FAM185A: variants seen among roughly 807,000 people sequenced by gnomAD.
FAM185A encodes the protein family with sequence similarity 185 member A.
A neutral mutation model predicts 45.7 loss-of-function variants in FAM185A; 21 were observed. The observed-to-expected ratio is 0.46, with a 90% confidence interval of 0.33 to 0.66. FAM185A has a LOEUF of 0.66. Ranked by LOEUF, FAM185A falls within the 30% of genes least tolerant of loss-of-function variation. The pLI is 0.03. For synonymous variants in FAM185A, 117 were observed against 194.0 expected, an observed-to-expected ratio of 0.60 and a Z score of 3.30; for missense variants, 305 against 485.4, an observed-to-expected ratio of 0.63 and a Z score of 3.49.
intron 1 of FAM185A, among the ~76,000 whole-genome samples, chr7:102,751,185 G>C (rs1359338128): frequency 6.6e-6 from 1 of 152,060 alleles, no homozygotes; most frequent in Non-Finnish European, 1.5e-5. Context: ...CAAAGTGCTG[G>C]TATTACAGGC....
At chr7:102,815,130 CTCTA>C in the FAM185A span, among the ~76,000 whole-genome samples, 1,631 of 152,270 alleles carry the variant, frequency 0.011, 34 homozygotes, top group African/African-American at 0.038. Context: ...CTTCACCCAT[CTCTA>C]TCAGTCTAAA....
At chr7:102,826,749 A>G in the FAM185A span, among the ~76,000 whole-genome samples, 4 of 103,104 alleles carry the variant, frequency 3.9e-5, no homozygotes, top group African/African-American at 1.4e-4. Context: ...ATATATATAT[A>G]TATATATATA....
At chr7:102,842,939 T>G in the FAM185A span, among the ~76,000 whole-genome samples, 1 of 152,236 alleles carries the variant, frequency 6.6e-6, no homozygotes, top group Non-Finnish European at 1.5e-5. Flanking sequence ...TGCTCTGTTG[T>G]TCTCCCAACT....
chr7:102,832,719 C>T, the FAM185A span: 2 of 1,217,806 alleles, frequency 1.6e-6, no homozygotes, highest in Non-Finnish European at 2.2e-6. Context: ...GAAAAAAATC[C>T]AATGAATACC....
the FAM185A span, among the ~76,000 whole-genome samples, chr7:102,820,539 A>C: frequency 6.6e-6 from 1 of 152,180 alleles, no homozygotes; most frequent in South Asian, 2.1e-4. Context: ...TTCGGATGTT[A>C]CTGGATATCC....
the FAM185A span, among the ~76,000 whole-genome samples, chr7:102,844,573 A>T: frequency 6.6e-6 from 1 of 152,152 alleles, no homozygotes; most frequent in South Asian, 2.1e-4. Context: ...ATGCCATATT[A>T]AAAAAACTGT....
chr7:102,769,777 T>C (rs1455665806), intron 4 of FAM185A, among the ~76,000 whole-genome samples: 3 of 151,554 alleles, frequency 2.0e-5, no homozygotes, highest in Non-Finnish European at 4.4e-5. Context: ...TGCAGAGTCA[T>C]GAAGTGGCAC....
intron 3 of FAM185A, among the ~76,000 whole-genome samples, chr7:102,759,235 G>A (rs916763483): frequency 3.3e-5 from 5 of 152,020 alleles, no homozygotes; most frequent in Non-Finnish European, 7.4e-5. Flanking sequence ...TGTAACATTT[G>A]CATTCAAATA....
At chr7:102,780,201 T>C (rs1795321313) in intron 6 of FAM185A, among the ~76,000 whole-genome samples, 2 of 152,118 alleles carry the variant, frequency 1.3e-5, no homozygotes, top group Admixed American at 1.3e-4. Context: ...CATAAGTAAA[T>C]GCATTCTAAA....
At chr7:102,806,443 C>T (rs2129444065) in intron 7 of FAM185A, among the ~76,000 whole-genome samples, 1 of 152,314 alleles carries the variant, frequency 6.6e-6, no homozygotes, top group Non-Finnish European at 1.5e-5. Flanking sequence ...TCTTGGTCTC[C>T]CAAAGTGCTG....
chr7:102,797,430 C>T (rs973677671), intron 7 of FAM185A, among the ~76,000 whole-genome samples: 2 of 151,990 alleles, frequency 1.3e-5, no homozygotes. Context: ...AAGCCGAGAT[C>T]GCACCACTGC....
At chr7:102,756,272 G>A (rs1793728532) in intron 2 of FAM185A, among the ~76,000 whole-genome samples, 1 of 151,764 alleles carries the variant, frequency 6.6e-6, no homozygotes, top group Non-Finnish European at 1.5e-5. Flanking sequence ...ATGATTAAGG[G>A]AAAACATCTG....
intron 6 of FAM185A, among the ~76,000 whole-genome samples, chr7:102,783,956 AAG>A (rs1795597226): frequency 6.6e-6 from 1 of 152,218 alleles, no homozygotes; most frequent in Non-Finnish European, 1.5e-5. Flanking sequence ...TTAAGAAGAA[AAG>A]AGAGAAGAAT....
chr7:102,839,742 G>A, the FAM185A span, among the ~76,000 whole-genome samples: 1 of 151,960 alleles, frequency 6.6e-6, no homozygotes, highest in South Asian at 2.1e-4. Flanking sequence ...CACTGTGCCT[G>A]GCATAGTAAA....
At chr7:102,847,390 T>G in the FAM185A span, among the ~76,000 whole-genome samples, 4 of 152,288 alleles carry the variant, frequency 2.6e-5, no homozygotes, top group Non-Finnish European at 4.4e-5. Flanking sequence ...TTCCCTAAAT[T>G]ATATTATTAC....
intron 7 of FAM185A, among the ~76,000 whole-genome samples, chr7:102,789,108 C>G (rs2129441959): frequency 6.6e-6 from 1 of 152,232 alleles, no homozygotes; most frequent in African/African-American, 2.4e-5. Context: ...ATAAATTAGC[C>G]TTAGTTTACT....
the FAM185A span, among the ~76,000 whole-genome samples, chr7:102,837,859 A>G: frequency 1.3e-5 from 2 of 152,148 alleles, no homozygotes; most frequent in Non-Finnish European, 1.5e-5. Context: ...CTCACTTTCT[A>G]CTTGTATTAT....
the FAM185A span, chr7:102,834,457 A>ATATATATATATATATGTGAT: frequency 6.0e-5 from 3 of 49,810 alleles, no homozygotes; most frequent in African/African-American, 5.4e-4. Flanking sequence ...ATATGTGATT[A>ATATATATATATATATGTGAT]TATATATATA....
At chr7:102,813,334 G>T (rs200788357), downstream of FAM185A, 1,489 of 1,595,402 alleles carry the variant, frequency 9.3e-4, 27 homozygotes, top group South Asian at 0.013. Flanking sequence ...CCTGCTTGAG[G>T]CTGAAGGTCA....
Sources: allele counts gnomAD v4.1 joint callset (sites outside exome capture counted in the v4.1 genomes callset), GRCh38; gene constraint gnomAD v4.1.1; transcripts MANE v1.5; gene names NCBI Gene and HGNC (gene_info 2026-07-23, HGNC 2026-07-21).